The following TDRD12 variants were observed in gnomAD, a reference collection of about 807,000 sequenced individuals.
The protein encoded by TDRD12 is putative ATP-dependent RNA helicase TDRD12.
In TDRD12, 158 loss-of-function variants were observed where a neutral mutation model predicts 133.5. The observed-to-expected ratio is 1.18, with a 90% CI of 1.04 to 1.35. TDRD12 has a LOEUF of 1.35. Ranked by LOEUF, TDRD12 falls within the 40% of genes most tolerant of loss-of-function variation. The pLI, the probability that TDRD12 is intolerant of heterozygous loss-of-function variation, is 0.00. For synonymous variants in TDRD12, 460 were observed against 477.9 expected (o/e 0.96, Z 0.49); for missense variants, 1,443 against 1,321.3 (o/e 1.09, Z -1.43).
At position 32,803,061 on chromosome 19, in the gene TDRD12, CCGCAGGAGTTCTG is replaced by C; in HGVS notation, c.2472_2484del (p.Ala825LysfsTer16). 1 of 1,536,072 alleles carries C rather than the reference CCGCAGGAGTTCTG, an allele frequency of 6.5e-7. No individual in the cohort carries two copies. Among genetic ancestry groups the C allele is most frequent in the Non-Finnish European group, 8.7e-7 (1 of 1,146,906 alleles). The stretch of plus-strand genomic sequence containing the variant: ...GTCCCCGCAGAGCTGTACGAGTTCA[CCGCAGGAGTTCTG>C]GAAGCCAAAGAAGATAAGAAAGCCG... On this transcript the variant is annotated frameshift_variant, in exon 21 of 28. Transcript: ENST00000444215. LOFTEE classifies it high-confidence loss of function.
At chr19:32,786,425 A>G (rs1970909334) in intron 11 of TDRD12, among the ~76,000 whole-genome samples, 1 of 152,126 alleles carries the variant, frequency 6.6e-6, no homozygotes, top group Non-Finnish European at 1.5e-5. Flanking sequence ...TCTCGAAAGT[A>G]TCTTTGTAGT....
At chr19:32,764,806 T>C (rs1970247850) in intron 8 of TDRD12, among the ~76,000 whole-genome samples, 1 of 152,218 alleles carries the variant, frequency 6.6e-6, no homozygotes, top group South Asian at 2.1e-4. Context: ...AGGCTTAGAA[T>C]TTTTATGTCC....
At chr19:32,730,983 C>G (rs1969033217) in intron 1 of TDRD12, among the ~76,000 whole-genome samples, 1 of 152,186 alleles carries the variant, frequency 6.6e-6, no homozygotes, top group Non-Finnish European at 1.5e-5. Flanking sequence ...CCACTGCACT[C>G]CAACCTGGGT....
At chr19:32,782,541 C>T (rs1970800339) in intron 11 of TDRD12, among the ~76,000 whole-genome samples, 2 of 152,194 alleles carry the variant, frequency 1.3e-5, no homozygotes, top group South Asian at 4.1e-4. Flanking sequence ...GGAATCACCA[C>T]ACTGTCTTCC....
exon 7 of TDRD12, chr19:32,756,138 C>T (rs1969985039): frequency 6.9e-7 from 1 of 1,444,242 alleles, no homozygotes; most frequent in African/African-American, 1.5e-5. Context: ...CACTTACACT[C>T]TGGCCAATGT....
chr19:32,753,468 G>T (rs188359530), intron 6 of TDRD12, among the ~76,000 whole-genome samples: 1 of 151,830 alleles, frequency 6.6e-6, no homozygotes, highest in African/African-American at 2.4e-5. Context: ...CTCTCAAGTA[G>T]TTGGGACTAT....
intron 4 of TDRD12, among the ~76,000 whole-genome samples, chr19:32,745,045 C>A (rs942737675): frequency 6.6e-6 from 1 of 152,226 alleles, no homozygotes; most frequent in African/African-American, 2.4e-5. Context: ...GAGGCCAATG[C>A]GCCCTACCAG....
chr19:32,749,988 C>G (rs1969776951), intron 6 of TDRD12, 119 bp downstream of exon 6: 1 of 727,452 alleles, frequency 1.4e-6, no homozygotes, highest in Non-Finnish European at 2.2e-6. Flanking sequence ...GTCTTAATCT[C>G]TTAAGGTCTA....
intron 24 of TDRD12, among the ~76,000 whole-genome samples, chr19:32,812,856 C>A (rs1012458073): frequency 6.6e-6 from 1 of 152,246 alleles, no homozygotes; most frequent in South Asian, 2.1e-4. Flanking sequence ...ACAGGTCCTG[C>A]CTGTTGTGTT....
chr19:32,730,426 T>C (rs1969013872), intron 1 of TDRD12, among the ~76,000 whole-genome samples: 1 of 152,122 alleles, frequency 6.6e-6, no homozygotes, highest in Non-Finnish European at 1.5e-5. Context: ...TCCTTCAGGT[T>C]CTGCTTGCTT....
At chr19:32,798,319 G>A in exon 16 of TDRD12, 1 of 1,533,046 alleles carries the variant, frequency 6.5e-7, no homozygotes, top group Non-Finnish European at 8.7e-7. Flanking sequence ...TGATGTGATT[G>A]TTACGACCCC....
intron 8 of TDRD12, among the ~76,000 whole-genome samples, chr19:32,769,075 T>TA (rs1970374177): frequency 6.6e-6 from 1 of 152,144 alleles, no homozygotes; most frequent in East Asian, 1.9e-4. Flanking sequence ...AGACGTCATT[T>TA]GTATTATAGA....
At chr19:32,821,403 T>TGTGTGC (rs1419533997), downstream of TDRD12, 1 of 172,068 alleles carries the variant, frequency 5.8e-6, no homozygotes, top group Non-Finnish European at 9.2e-6. Flanking sequence ...TGTGTGTGTG[T>TGTGTGC]GTGTGTGCGT....
At chr19:32,798,521 G>C (rs1400302882) in intron 16 of TDRD12, 86 bp downstream of exon 16, 12 of 1,172,676 alleles carry the variant, frequency 1.0e-5, no homozygotes, top group African/African-American at 1.5e-5. Context: ...AAAGTGTCTG[G>C]TTGGGGAATA....
At chr19:32,779,907 G>A (rs1467944276) in intron 11 of TDRD12, among the ~76,000 whole-genome samples, 1 of 152,030 alleles carries the variant, frequency 6.6e-6, no homozygotes, top group Non-Finnish European at 1.5e-5. Flanking sequence ...AATGTACCCT[G>A]GAGCTCTCTC....
intron 10 of TDRD12, 110 bp downstream of exon 10, chr19:32,773,642 G>A: frequency 5.9e-6 from 5 of 843,986 alleles, no homozygotes; most frequent in South Asian, 5.9e-5. Context: ...AGGCTTCAGT[G>A]AGCTATGATC....
At position 32,748,465 on chromosome 19, in the gene TDRD12, C is replaced by T; in HGVS notation, c.441-11C>T. ...TTTATGTAATGGAGTTGCATCTGTT[C>T]ACTGTTCCAGACCTGCCAAGAAGTG... On this transcript the variant is annotated splice_polypyrimidine_tract_variant and intron_variant, in intron 4 of 27. Coordinates refer to ENST00000444215, the Ensembl canonical transcript of TDRD12. 1 of 1,550,502 alleles carries T rather than the reference C, an allele frequency of 6.4e-7. No individual in the cohort carries two copies. The highest frequency in any genetic ancestry group is 8.7e-7 in the Non-Finnish European group (1 of 1,146,378).
At chr19:32,826,265 G>T (rs891434637) in exon 8 of TDRD12, 2 of 1,462,288 alleles carry the variant, frequency 1.4e-6, no homozygotes, top group South Asian at 1.4e-5. Context: ...AAATAAAATG[G>T]TTCCAAAAAG....
exon 7 of TDRD12, chr19:32,756,145 A>G: frequency 7.0e-7 from 1 of 1,436,730 alleles, no homozygotes; most frequent in Non-Finnish European, 9.1e-7. Flanking sequence ...ACTCTGGCCA[A>G]TGTTTTTGCA....
Sources: gnomAD v4.1 joint callset for allele counts (sites outside exome capture counted in the v4.1 genomes callset) on GRCh38, gnomAD v4.1.1 for gene constraint, MANE v1.5 for transcripts, NCBI Gene and HGNC (gene_info 2026-07-23, HGNC 2026-07-21) for gene names.